KCNQ1: variants seen among roughly 807,000 people sequenced by gnomAD.
KCNQ1 encodes potassium voltage-gated channel subfamily Q member 1.
In KCNQ1, 49 loss-of-function variants were observed where a neutral mutation model predicts 72.4. That is an observed-to-expected ratio of 0.68 (90% CI 0.54 to 0.86). The LOEUF (loss-of-function observed/expected upper bound fraction) is 0.86. KCNQ1 is among the 40% of genes least tolerant of loss of function. The pLI, the probability that KCNQ1 is intolerant of heterozygous loss-of-function variation, is 0.00. For missense variants in KCNQ1, 790 were observed against 945.1 expected, an observed-to-expected ratio of 0.84 and a Z score of 2.15; for synonymous variants, 450 against 412.6, an observed-to-expected ratio of 1.09 and a Z score of -1.10.
rs976227622 is a variant in KCNQ1 at position 2,662,572 on chromosome 11, G to A, written c.1514+491G>A. On this transcript the variant is annotated intron_variant, in intron 11 of 15. Transcript: ENST00000155840. ...TTGGCCTTCCCCTGAGGCACAGCTG[G>A]CCTGGGATGCATGCCCGTCCTCCCC... is the stretch of plus-strand genomic sequence containing the variant. 19 of 424,212 alleles carry A rather than the reference G, an allele frequency of 4.5e-5. No individual in the cohort carries two copies. The Admixed American group carries it at 7.0e-4, about 16-fold the overall frequency. The allele number at this position is 424,212 out of a possible 1,614,324, so 26.3% of individuals were successfully genotyped here.
At chr11:2,717,338 A>G (rs1851110102) in intron 11 of KCNQ1, among the ~76,000 whole-genome samples, 1 of 152,132 alleles carries the variant, frequency 6.6e-6, no homozygotes. Flanking sequence ...AGGCCCTCCC[A>G]GGCTTCTGTG....
At chr11:2,840,059 T>TAAC (rs1848172545) in intron 15 of KCNQ1, 1 of 152,208 alleles carries the variant, frequency 6.6e-6, no homozygotes, top group Non-Finnish European at 1.5e-5. Flanking sequence ...AACCCATGTA[T>TAAC]AACTTTTGAC....
In KCNQ1 at chr11:2,657,698, A is replaced by G. The variant is rs1023917584; in HGVS notation, c.1394-4263A>G. On this transcript the variant is annotated intron_variant, in intron 10 of 15. Transcript: ENST00000155840. This position sits in a 1 kb window ranked among gnomAD's most constrained non-coding sequence, Gnocchi z 4.8. The stretch of plus-strand genomic sequence containing the variant: ...TGTCCTTTTTCTGTTCCAAGATCCC[A>G]TCTAGGATCGATCATTACATTTATT... 2.5e-6 allele frequency: 1 copy of G among 398,596 alleles called. No homozygotes were observed. 24.7% of individuals were successfully genotyped at this position (398,596 alleles called of 1,614,324 possible).
chr11:2,570,454 C>T (rs1229704724), intron 2 of KCNQ1, among the ~76,000 whole-genome samples, 174 bp from the exon 3 acceptor site: 2 of 152,226 alleles, frequency 1.3e-5, no homozygotes, highest in African/African-American at 4.8e-5. Flanking sequence ...CTCAGCCTTC[C>T]AGGGCCTCTG....
intron 1 of KCNQ1, among the ~76,000 whole-genome samples, chr11:2,461,076 GGCTGGGGGCA>G (rs1846270529): frequency 6.6e-6 from 1 of 152,200 alleles, no homozygotes; most frequent in Admixed American, 6.5e-5. Flanking sequence ...CAATGGCCGT[GGCTGGGGGCA>G]GCCTGGGGTG....
chr11:2,835,846 G>T (rs1848052890), intron 15 of KCNQ1, among the ~76,000 whole-genome samples: 1 of 152,208 alleles, frequency 6.6e-6, no homozygotes, highest in African/African-American at 2.4e-5. Context: ...GTGTCCAGGA[G>T]CGACGGGAAG....
intron 2 of KCNQ1, among the ~76,000 whole-genome samples, chr11:2,568,495 T>C (rs912925054): frequency 6.6e-6 from 1 of 152,110 alleles, no homozygotes; most frequent in Non-Finnish European, 1.5e-5. Context: ...CCGTGGCCTT[T>C]TTCACGATGA....
chr11:2,825,444 G>T (rs963716577), intron 15 of KCNQ1, among the ~76,000 whole-genome samples: 12 of 152,216 alleles, frequency 7.9e-5, no homozygotes, highest in Admixed American at 5.2e-4. Context: ...ACGCGGGGGG[G>T]TAGGGGCGCC....
At chr11:2,465,518 A>G (rs1178693507) in intron 1 of KCNQ1, among the ~76,000 whole-genome samples, 3 of 152,188 alleles carry the variant, frequency 2.0e-5, no homozygotes, top group Non-Finnish European at 4.4e-5. Context: ...GAGGCCTGAG[A>G]GGGTGGACAC....
intron 10 of KCNQ1, among the ~76,000 whole-genome samples, chr11:2,590,956 G>A (rs1025649954): frequency 6.6e-6 from 1 of 152,244 alleles, no homozygotes; most frequent in Non-Finnish European, 1.5e-5. Flanking sequence ...CACCTGCTGT[G>A]TATGTGCTCA....
chr11:2,631,097 C>A, intron 10 of KCNQ1: 1 of 398,544 alleles, frequency 2.5e-6, no homozygotes. Flanking sequence ...CTTTGAGCTT[C>A]ATGTACCTAG....
intron 1 of KCNQ1, among the ~76,000 whole-genome samples, chr11:2,485,010 C>G (rs1048143261): frequency 3.3e-5 from 5 of 152,218 alleles, no homozygotes; most frequent in African/African-American, 1.2e-4. Context: ...TGAGAAGTGA[C>G]TGACCACCCA....
rs736608 is a variant in KCNQ1, at chr11:2,517,284, A to T, written c.387-10644A>T. 5.4e-3 allele frequency among the ~76,000 whole-genome samples: 826 copies of T among 152,056 alleles called. 6 individuals carry two copies. Among genetic ancestry groups the T allele is most frequent in the African/African-American group, 0.019 (788 of 41,460 alleles). On this transcript the variant is annotated intron_variant, in intron 1 of 15. Transcript: ENST00000155840. ...GTCACCTCTTGGTGCGGGGGCATCC[A>T]GGTTCCTGGCGATGGGGATGGGGTG...
At position 2,627,539 on chromosome 11, in the gene KCNQ1, G is replaced by C; in HGVS notation, c.1394-34422G>C. 1 of 398,338 alleles carries C rather than the reference G, an allele frequency of 2.5e-6. No individual in the cohort carries two copies. The highest frequency in any genetic ancestry group is 4.4e-6 in the Non-Finnish European group (1 of 226,022). The allele number at this position is 398,338 out of a possible 1,614,324, so 24.7% of individuals were successfully genotyped here. On this transcript the variant is annotated intron_variant, in intron 10 of 15. Transcript: ENST00000155840. This position sits in a 1 kb window ranked among gnomAD's most constrained non-coding sequence, Gnocchi z 4.9. Reference sequence around the variant, plus strand: ...CTTTTTAGAATTCCATATGTAACTGGGATAGTGCAGTATTTGTCTTTCTGT... The same window carrying C: ...CTTTTTAGAATTCCATATGTAACTGCGATAGTGCAGTATTTGTCTTTCTGT...
rs181707360 is a variant in KCNQ1, at chr11:2,760,350, G to T, written c.1515-8494G>T. On this transcript the variant is annotated intron_variant, in intron 11 of 15. Coordinates refer to ENST00000155840, the MANE Select transcript of KCNQ1 (RefSeq NM_000218.3). ...ATTAACAAATGAACCAGCGGATGGG[G>T]GTGGGGAGCTCATCTCATTCATCTA... Among the ~76,000 whole-genome samples, 253 of 152,310 alleles carry T rather than the reference G, an allele frequency of 1.7e-3. 1 individual carries two copies. The highest frequency in any genetic ancestry group is 5.8e-3 in the African/African-American group (241 of 41,566).
rs1849178009 is a variant in KCNQ1 at position 2,621,857 on chromosome 11, G to GT, written c.1393+33008dup. ...GTTTTACTGACTTTTTTCCCCTATG[G>GT]TTTTTCTTTCTAACTTGTCTCTGTT... On this transcript the variant is annotated intron_variant, in intron 10 of 15. Transcript: ENST00000155840. This position sits in a 1 kb window ranked among gnomAD's most constrained non-coding sequence, Gnocchi z 5.7. The GT allele has an allele frequency of 5.0e-6, 2 of 398,012 alleles. No homozygotes were observed. Among genetic ancestry groups the GT allele is most frequent in the Non-Finnish European group, 8.9e-6 (2 of 225,826 alleles). 24.7% of individuals were successfully genotyped at this position (398,012 alleles called of 1,614,324 possible). A position where few individuals can be genotyped will look rare whatever the true frequency, so the allele number is the denominator to read the frequency against.
In KCNQ1 at chr11:2,488,500, A is replaced by G. The variant is rs117585820; in HGVS notation, c.387-39428A>G. 0.01 allele frequency among the ~76,000 whole-genome samples: 1,546 copies of G among 152,208 alleles called. 19 individuals are homozygous for G. Among genetic ancestry groups the G allele is most frequent in the Middle Eastern group, 0.037 (11 of 294 alleles). On this transcript the variant is annotated intron_variant, in intron 1 of 15. Transcript: ENST00000155840. This position sits in a 1 kb window ranked among gnomAD's most constrained non-coding sequence, Gnocchi z 5.1. ...CAGGTCCAGGCTTTTCTTTGTTGAG[A>G]GTTTTTTGATTACTGATTCAATCTC... is the stretch of plus-strand genomic sequence containing the variant.
intron 11 of KCNQ1, chr11:2,666,007 G>A (rs995764410): frequency 1.0e-5 from 4 of 398,548 alleles, no homozygotes; most frequent in African/African-American, 4.1e-5. Flanking sequence ...GAATTCACAC[G>A]TCTGCCCCAT....
chr11:2,462,296 G>A lies in KCNQ1; in HGVS notation c.386+16812G>A, dbSNP rs1846290394. The stretch of plus-strand genomic sequence containing the variant: ...TTGAGTGTGGCTGTGGACGAGGGCA[G>A]CGTCGCCATCAGAGGCGATGTCTAG... On this transcript the variant is annotated intron_variant, in intron 1 of 15. Coordinates refer to ENST00000155840, the MANE Select transcript of KCNQ1 (RefSeq NM_000218.3). The surrounding 1 kb of genome is among the most constrained non-coding windows in gnomAD (Gnocchi z 8.2). Among the ~76,000 whole-genome samples, 1 of 152,216 alleles carries A rather than the reference G, an allele frequency of 6.6e-6. No homozygotes were observed. Among genetic ancestry groups the A allele is most frequent in the Non-Finnish European group, 1.5e-5 (1 of 68,034 alleles).
Sources: allele counts gnomAD v4.1 joint callset (sites outside exome capture counted in the v4.1 genomes callset), GRCh38; gene constraint gnomAD v4.1.1; non-coding constraint Gnocchi (gnomAD v3.1); transcripts MANE v1.5; gene names NCBI Gene and HGNC (gene_info 2026-07-23, HGNC 2026-07-21).